The following L3HYPDH variants were observed in gnomAD, a reference collection of about 807,000 sequenced individuals.
L3HYPDH encodes the protein trans-L-3-hydroxyproline dehydratase, also known as trans-3-hydroxy-L-proline dehydratase.
A neutral mutation model predicts 26.5 loss-of-function variants in L3HYPDH; 32 were observed. That is an observed-to-expected ratio of 1.21 (90% CI 0.91 to 1.62). L3HYPDH has a LOEUF of 1.62. Among genes scored for constraint, L3HYPDH ranks in the 40% most tolerant of loss-of-function variants. L3HYPDH has a pLI of 0.00. For synonymous variants in L3HYPDH, 215 were observed against 196.6 expected (o/e 1.09, Z -0.78); for missense variants, 554 against 476.4 (o/e 1.16, Z -1.52).
chr14:59,498,831 G>A, the L3HYPDH span: 16 of 1,612,394 alleles, frequency 9.9e-6, no homozygotes, highest in Middle Eastern at 1.6e-4. Context: ...AAATCTGATC[G>A]ATTTAAAAGT....
chr14:59,501,495 C>G, the L3HYPDH span, among the ~76,000 whole-genome samples: 2 of 152,072 alleles, frequency 1.3e-5, no homozygotes, highest in African/African-American at 4.8e-5. Flanking sequence ...GCCCAACTAT[C>G]CAGCATGAAG....
At chr14:59,478,707 A>G (rs1889803706) in intron 2 of L3HYPDH, 1 of 152,694 alleles carries the variant, frequency 6.5e-6, no homozygotes, top group Non-Finnish European at 1.5e-5. Flanking sequence ...TTTAATTTCC[A>G]TTTTGCAGAC....
chr14:59,468,815 G>A (rs1889250771), downstream of L3HYPDH, among the ~76,000 whole-genome samples: 1 of 152,178 alleles, frequency 6.6e-6, no homozygotes, highest in African/African-American at 2.4e-5. Context: ...CTTAAGGAGA[G>A]GCATTCTAAC....
chr14:59,497,197 T>G, the L3HYPDH span, among the ~76,000 whole-genome samples: 6 of 152,178 alleles, frequency 3.9e-5, no homozygotes, highest in Admixed American at 2.0e-4. Flanking sequence ...TGAAAAAACA[T>G]GTAAGCTTCT....
the L3HYPDH span, among the ~76,000 whole-genome samples, chr14:59,501,441 C>CT: frequency 6.6e-6 from 1 of 152,114 alleles, no homozygotes; most frequent in Non-Finnish European, 1.5e-5. Flanking sequence ...GTGTACTGGA[C>CT]TATATATTTC....
At chr14:59,479,394 A>G in intron 1 of L3HYPDH, 43 bp from the exon 2 acceptor site, 1 of 1,538,274 alleles carries the variant, frequency 6.5e-7, no homozygotes, top group Non-Finnish European at 8.9e-7. Context: ...GTTTGTTAAT[A>G]AGTATTTTAG....
intron 2 of L3HYPDH, 75 bp from the exon 3 acceptor site, chr14:59,476,289 T>C (rs1264496446): frequency 9.1e-7 from 1 of 1,094,214 alleles, no homozygotes; most frequent in African/African-American, 1.6e-5. Context: ...AGATGGGTCA[T>C]TCTTAGACAT....
the L3HYPDH span, among the ~76,000 whole-genome samples, chr14:59,496,762 ATTGT>A: frequency 2.6e-5 from 4 of 152,144 alleles, no homozygotes; most frequent in East Asian, 3.8e-4. Flanking sequence ...CTGAATCAAG[ATTGT>A]TTGTTTTTCT....
At chr14:59,503,197 G>A in the L3HYPDH span, among the ~76,000 whole-genome samples, 4 of 152,116 alleles carry the variant, frequency 2.6e-5, no homozygotes, top group African/African-American at 9.7e-5. Context: ...ACCTAAAACG[G>A]AAAAAGACAG....
chr14:59,487,490 A>G (rs1172986666), upstream of L3HYPDH: 15 of 493,888 alleles, frequency 3.0e-5, no homozygotes, highest in Non-Finnish European at 4.7e-5. Flanking sequence ...AGCATTGTAC[A>G]AATATAGCAC....
rs10134140 is a variant in L3HYPDH, at chr14:59,477,325, T to C, written c.679-1111A>G. 2.0e-3 allele frequency among the ~76,000 whole-genome samples: 311 copies of C among 152,354 alleles called. 3 individuals are homozygous for C. The highest frequency in any genetic ancestry group is 7.1e-3 in the African/African-American group (296 of 41,572). On this transcript the variant is annotated intron_variant, in intron 2 of 4. Transcript: ENST00000247194. Reference sequence around the variant, plus strand: ...GAGTGAATGAATTAAGATGAATTTATATTAACTTTAACTCTCCATCCCCAT... The same window carrying C: ...GAGTGAATGAATTAAGATGAATTTACATTAACTTTAACTCTCCATCCCCAT...
chr14:59,471,880 G>A (rs1306107155), downstream of L3HYPDH, among the ~76,000 whole-genome samples: 1 of 152,102 alleles, frequency 6.6e-6, no homozygotes, highest in Admixed American at 6.5e-5. Flanking sequence ...ACAGAATTCT[G>A]TGGAGAATGA....
At chr14:59,465,734 A>G (rs1207637963) in intron 1 of L3HYPDH, among the ~76,000 whole-genome samples, 1 of 152,228 alleles carries the variant, frequency 6.6e-6, no homozygotes, top group Non-Finnish European at 1.5e-5. Flanking sequence ...GAATCTAGAA[A>G]GTGAAGTGAA....
At chr14:59,481,236 T>C (rs1199181105) in intron 1 of L3HYPDH, among the ~76,000 whole-genome samples, 2 of 152,254 alleles carry the variant, frequency 1.3e-5, no homozygotes, top group Non-Finnish European at 2.9e-5. Context: ...ATTTCATTTT[T>C]TAATCACTAA....
At chr14:59,487,924 A>C (rs879204844), upstream of L3HYPDH, 2 of 1,150,104 alleles carry the variant, frequency 1.7e-6, no homozygotes, top group South Asian at 2.8e-5. Context: ...TTCTGTTTTA[A>C]AAGTGGTAAA....
At chr14:59,477,097 G>A (rs900947418) in intron 2 of L3HYPDH, among the ~76,000 whole-genome samples, 2 of 152,172 alleles carry the variant, frequency 1.3e-5, no homozygotes, top group Non-Finnish European at 2.9e-5. Context: ...CCTGCAGATT[G>A]AATCTTTGTT....
Position 59,472,980 on chromosome 14 carries a change from T to C in L3HYPDH, c.1050A>G (p.Gly350=), listed in dbSNP as rs568689529. 345 of 1,599,622 alleles carry C rather than the reference T, an allele frequency of 2.2e-4. 3 individuals are homozygous for C. In the South Asian group the frequency reaches 3.7e-3, roughly 17 times the overall value. Residue 350 remains glycine, a synonymous_variant, in exon 5 of 5, where the codon GGA becomes GGG. Transcript: ENST00000247194. Reference sequence around the variant, plus strand: ...ATGGAAGAAGTCACTTGAGAAGAAATCCATCCCTCAATGGGTCGTCATCTT... The same window carrying C: ...ATGGAAGAAGTCACTTGAGAAGAAACCCATCCCTCAATGGGTCGTCATCTT... ...IIEDDDPLRD[G]FLLK
At chr14:59,497,500 G>C in the L3HYPDH span, among the ~76,000 whole-genome samples, 3 of 152,132 alleles carry the variant, frequency 2.0e-5, no homozygotes, top group East Asian at 5.8e-4. Flanking sequence ...TCTTTTTGGA[G>C]CTCTTAAGGA....
chr14:59,479,560 C>T (rs752849007), intron 1 of L3HYPDH, among the ~76,000 whole-genome samples: 2 of 152,122 alleles, frequency 1.3e-5, no homozygotes, highest in African/African-American at 4.8e-5. Context: ...TTGATGATTG[C>T]AGAAGTTATA....
Sources: allele counts gnomAD v4.1 joint callset (sites outside exome capture counted in the v4.1 genomes callset), GRCh38; gene constraint gnomAD v4.1.1; transcripts MANE v1.5; gene names NCBI Gene and HGNC (gene_info 2026-07-23, HGNC 2026-07-21).